The following ADAMTS18 variants were observed in gnomAD, a reference collection of about 807,000 sequenced individuals.
The protein encoded by ADAMTS18 is ADAM metallopeptidase with thrombospondin type 1 motif 18.
Under a neutral mutation model 165.9 loss-of-function variants are expected in ADAMTS18, and 157 were observed. The ratio of observed to expected loss-of-function variants is 0.95; its 90% confidence interval spans 0.83 to 1.08. ADAMTS18 has a LOEUF of 1.08. Ranked by LOEUF, ADAMTS18 falls within the 50% of genes least tolerant of loss-of-function variation. The pLI is 0.00. For missense variants in ADAMTS18, 2,040 were observed against 1,534.0 expected (o/e 1.33, Z -5.51); for synonymous variants, 782 against 578.2 (o/e 1.35, Z -5.06).
chr16:77,431,957 C>A (rs1212867220), intron 2 of ADAMTS18, among the ~76,000 whole-genome samples: 1 of 152,078 alleles, frequency 6.6e-6, no homozygotes, highest in Admixed American at 6.5e-5. Context: ...GCCACAGAAC[C>A]ATTCATATAT....
chr16:77,316,609 A>C (rs2055891894), intron 16 of ADAMTS18, among the ~76,000 whole-genome samples: 1 of 152,028 alleles, frequency 6.6e-6, no homozygotes, highest in Non-Finnish European at 1.5e-5. Context: ...TTCTGACTAC[A>C]CTATAGCTAG....
At chr16:77,287,018 G>A (rs562405764) in intron 22 of ADAMTS18, among the ~76,000 whole-genome samples, 28 of 152,230 alleles carry the variant, frequency 1.8e-4, no homozygotes, top group African/African-American at 5.8e-4. Context: ...GGGATCTGGG[G>A]GACAACAAAG....
chr16:77,293,353 G>T, intron 19 of ADAMTS18, 95 bp from the exon 20 acceptor site: 1 of 1,141,332 alleles, frequency 8.8e-7, no homozygotes, highest in Non-Finnish European at 1.3e-6. Flanking sequence ...TCCTGTGAAA[G>T]GTGGGATAAA....
chr16:77,332,241 T>G lies in ADAMTS18; in HGVS notation c.1859+3515A>C, dbSNP rs557338889. Among the ~76,000 whole-genome samples the G allele has an allele frequency of 1.1e-3, 168 of 152,284 alleles. 1 individual carries two copies. Among genetic ancestry groups the G allele is most frequent in the African/African-American group, 3.9e-3 (163 of 41,562 alleles). ...CTACCAACTTAAATTATGTTGTAAATTAAATCTGTTTTCCAAGTTTCCATC... is the reference window on the plus strand; with the variant it reads ...CTACCAACTTAAATTATGTTGTAAAGTAAATCTGTTTTCCAAGTTTCCATC... On this transcript the variant is annotated intron_variant, in intron 12 of 22. Transcript: ENST00000282849.
intron 16 of ADAMTS18, among the ~76,000 whole-genome samples, chr16:77,304,410 A>G (rs1209632560): frequency 6.6e-6 from 1 of 152,052 alleles, no homozygotes; most frequent in Admixed American, 6.5e-5. Context: ...GCAGTGAGCT[A>G]TAGTCACACC....
intron 10 of ADAMTS18, 90 bp from the exon 11 acceptor site, chr16:77,341,889 G>A: frequency 9.4e-7 from 1 of 1,058,398 alleles, no homozygotes; most frequent in South Asian, 1.4e-5. Flanking sequence ...ATTATATTTT[G>A]GGGTAGCTGA....
chr16:77,372,728 G>C (rs2056894155), intron 3 of ADAMTS18, among the ~76,000 whole-genome samples: 1 of 152,082 alleles, frequency 6.6e-6, no homozygotes, highest in Admixed American at 6.5e-5. Flanking sequence ...ATATCTTCAG[G>C]ATATACCTCA....
At chr16:77,355,805 TATC>T (rs1226085450) in intron 9 of ADAMTS18, 132 bp downstream of exon 9, 4 of 1,077,620 alleles carry the variant, frequency 3.7e-6, no homozygotes, top group South Asian at 2.6e-5. Context: ...CCATCATCAT[TATC>T]ATCATCATTT....
At chr16:77,417,278 C>CTGGGTGGGTGAG (rs2057542696) in intron 3 of ADAMTS18, among the ~76,000 whole-genome samples, 1 of 151,584 alleles carries the variant, frequency 6.6e-6, no homozygotes, top group African/African-American at 2.4e-5. Context: ...GGGTGGATAG[C>CTGGGTGGGTGAG]TGGGTGGGTG....
intron 17 of ADAMTS18, 115 bp downstream of exon 17, chr16:77,300,148 T>C: frequency 7.8e-7 from 1 of 1,282,430 alleles, no homozygotes; most frequent in East Asian, 2.4e-5. Context: ...ATGGTTCTCA[T>C]AAAAGACAGT....
chr16:77,385,082 G>C (rs2057087936), intron 3 of ADAMTS18, among the ~76,000 whole-genome samples: 1 of 151,686 alleles, frequency 6.6e-6, no homozygotes, highest in South Asian at 2.1e-4. Flanking sequence ...CTAATTTTTG[G>C]ATTTTCAGTA....
chr16:77,351,184 G>A (rs986893965), intron 10 of ADAMTS18, among the ~76,000 whole-genome samples: 2 of 152,118 alleles, frequency 1.3e-5, no homozygotes, highest in Non-Finnish European at 2.9e-5. Context: ...CAAAAGCTAA[G>A]GTGTGGGGAA....
chr16:77,359,639 A>T (rs1412061874), intron 7 of ADAMTS18, among the ~76,000 whole-genome samples: 1 of 151,814 alleles, frequency 6.6e-6, no homozygotes, highest in Non-Finnish European at 1.5e-5. Context: ...CTTTTGTTAC[A>T]TATTGTTATC....
At chr16:77,374,836 G>C (rs1031529219) in intron 3 of ADAMTS18, among the ~76,000 whole-genome samples, 1 of 152,092 alleles carries the variant, frequency 6.6e-6, no homozygotes, top group African/African-American at 2.4e-5. Context: ...CCTATTCAGA[G>C]TGACAAGGAC....
At chr16:77,355,565 G>C (rs922216405) in intron 9 of ADAMTS18, among the ~76,000 whole-genome samples, 2 of 152,128 alleles carry the variant, frequency 1.3e-5, no homozygotes, top group Admixed American at 1.3e-4. Context: ...AGTCACAGGG[G>C]AGAGATGGTT....
chr16:77,313,902 TA>T (rs1174781991), intron 16 of ADAMTS18, among the ~76,000 whole-genome samples: 1 of 152,174 alleles, frequency 6.6e-6, no homozygotes, highest in Non-Finnish European at 1.5e-5. Context: ...AAAAAGGACT[TA>T]AAAAATCCAG....
chr16:77,336,596 T>C (rs1042672807), intron 11 of ADAMTS18, among the ~76,000 whole-genome samples: 5 of 152,188 alleles, frequency 3.3e-5, no homozygotes, highest in Admixed American at 3.3e-4. Flanking sequence ...GCTCTTGCAG[T>C]GTCTTTGATG....
intron 10 of ADAMTS18, among the ~76,000 whole-genome samples, chr16:77,346,356 G>C (rs1006979791): frequency 3.9e-5 from 6 of 152,010 alleles, no homozygotes; most frequent in African/African-American, 1.5e-4. Context: ...ACAGTGCCTG[G>C]TACAAAGTAG....
intron 10 of ADAMTS18, among the ~76,000 whole-genome samples, chr16:77,348,763 T>C (rs2056513352): frequency 6.6e-6 from 1 of 152,162 alleles, no homozygotes. Flanking sequence ...AGTTAAAATG[T>C]ATCACAAGTT....
Sources: gnomAD v4.1 joint callset for allele counts (sites outside exome capture counted in the v4.1 genomes callset) on GRCh38, gnomAD v4.1.1 for gene constraint, MANE v1.5 for transcripts, NCBI Gene and HGNC (gene_info 2026-07-23, HGNC 2026-07-21) for gene names.